The following AUTS2 variants were observed in gnomAD, a reference collection of about 807,000 sequenced individuals.
AUTS2 encodes the protein autism susceptibility gene 2 protein.
Under a neutral mutation model 112.4 loss-of-function variants are expected in AUTS2, and 17 were observed. The observed-to-expected ratio is 0.15, with a 90% CI of 0.10 to 0.23. The LOEUF (loss-of-function observed/expected upper bound fraction) is 0.23, where lower values mean the gene tolerates loss of function less well. AUTS2 is among the 10% of genes least tolerant of loss of function. The pLI is 1.00. For synonymous variants in AUTS2, 751 were observed against 702.7 expected, an observed-to-expected ratio of 1.07 and a Z score of -1.09; for missense variants, 1,510 against 1,701.6, an observed-to-expected ratio of 0.89 and a Z score of 1.98.
chr7:70,445,146 C>G (rs1047661000), intron 5 of AUTS2, among the ~76,000 whole-genome samples: 3 of 152,082 alleles, frequency 2.0e-5, no homozygotes, highest in Non-Finnish European at 2.9e-5. Context: ...TGACCATGTG[C>G]CAAACTCTCT....
chr7:70,754,747 A>G (rs1052674372), intron 6 of AUTS2, among the ~76,000 whole-genome samples: 2 of 152,244 alleles, frequency 1.3e-5, no homozygotes, highest in African/African-American at 4.8e-5. Flanking sequence ...TAATAAAAAT[A>G]GGACATGTCT....
chr7:69,799,530 A>G (rs533690284), intron 1 of AUTS2, among the ~76,000 whole-genome samples: 2 of 152,272 alleles, frequency 1.3e-5, no homozygotes, highest in South Asian at 2.1e-4. Context: ...GTTCATGAGC[A>G]TGGGACTTCT....
chr7:70,116,222 A>G (rs1310117385), intron 2 of AUTS2, among the ~76,000 whole-genome samples: 1 of 152,164 alleles, frequency 6.6e-6, no homozygotes, highest in African/African-American at 2.4e-5. Context: ...ATTAGCATCA[A>G]TTTTCTGGGC....
At chr7:70,095,416 ATCATGCT>A (rs1291683901) in intron 2 of AUTS2, among the ~76,000 whole-genome samples, 5 of 152,164 alleles carry the variant, frequency 3.3e-5, no homozygotes, top group African/African-American at 1.2e-4. Flanking sequence ...CACATTCAGA[ATCATGCT>A]TCTGACCCAT....
chr7:70,593,766 C>T (rs1414515878), intron 5 of AUTS2, among the ~76,000 whole-genome samples: 3 of 152,278 alleles, frequency 2.0e-5, no homozygotes, highest in South Asian at 2.1e-4. Context: ...TTGGTGGGAC[C>T]GGGCTGCAGG....
At chr7:69,714,586 C>T (rs575457217) in intron 1 of AUTS2, among the ~76,000 whole-genome samples, 3 of 152,180 alleles carry the variant, frequency 2.0e-5, no homozygotes, top group South Asian at 2.1e-4. Flanking sequence ...TTCCCAAATA[C>T]CCCACAGTTT....
intron 5 of AUTS2, among the ~76,000 whole-genome samples, chr7:70,534,671 CCA>C (rs757368479): frequency 6.6e-6 from 1 of 152,154 alleles, no homozygotes; most frequent in Non-Finnish European, 1.5e-5. Context: ...GGTGATCCGC[CCA>C]CCTCGGCCTC....
At chr7:69,867,280 G>A (rs1033208572) in intron 1 of AUTS2, among the ~76,000 whole-genome samples, 3 of 152,260 alleles carry the variant, frequency 2.0e-5, no homozygotes, top group East Asian at 3.9e-4. Flanking sequence ...TAATCTGGGC[G>A]GCCTGGCTGA....
At chr7:69,641,922 T>C (rs1389982927) in intron 1 of AUTS2, among the ~76,000 whole-genome samples, 1 of 152,226 alleles carries the variant, frequency 6.6e-6, no homozygotes, top group African/African-American at 2.4e-5. Context: ...AGTATTTGTA[T>C]CCATTTGCAA....
intron 1 of AUTS2, among the ~76,000 whole-genome samples, chr7:69,823,421 G>A (rs937572781): frequency 3.3e-5 from 5 of 152,182 alleles, no homozygotes; most frequent in Non-Finnish European, 5.9e-5. Flanking sequence ...GCCCTTGAAA[G>A]GAGCCTGCTT....
chr7:70,124,648 C>T (rs1479906307), intron 3 of AUTS2, among the ~76,000 whole-genome samples: 4 of 151,960 alleles, frequency 2.6e-5, no homozygotes, highest in African/African-American at 7.3e-5. Flanking sequence ...CTGCAACCTC[C>T]GACTCCCTGG....
intron 1 of AUTS2, among the ~76,000 whole-genome samples, chr7:69,811,763 T>C (rs1584280340): frequency 6.6e-6 from 1 of 152,106 alleles, no homozygotes; most frequent in East Asian, 1.9e-4. Flanking sequence ...CCCCAATGCA[T>C]GTTGTTTTGC....
chr7:70,187,829 C>A (rs1212617384), intron 4 of AUTS2, among the ~76,000 whole-genome samples: 1 of 133,906 alleles, frequency 7.5e-6, no homozygotes, highest in African/African-American at 2.8e-5. Flanking sequence ...TTTGGAATCA[C>A]ATCAGGAAAG....
intron 1 of AUTS2, among the ~76,000 whole-genome samples, chr7:69,806,361 T>G (rs7796857): frequency 0.35 from 53,074 of 151,390 alleles, 9,664 homozygotes; most frequent in African/African-American, 0.46. Flanking sequence ...AATAGCTTAT[T>G]TGTGTTGAGT....
At chr7:70,771,466 T>C in intron 10 of AUTS2, 83 bp from the exon 11 acceptor site, 1 of 1,181,592 alleles carries the variant, frequency 8.5e-7, no homozygotes, top group Non-Finnish European at 1.2e-6. Flanking sequence ...CTCATGTCGA[T>C]GTCTTTCTAT....
chr7:69,981,083 T>G (rs1004303779), intron 2 of AUTS2, among the ~76,000 whole-genome samples: 53 of 152,336 alleles, frequency 3.5e-4, no homozygotes, highest in African/African-American at 1.3e-3. Flanking sequence ...ATTTATTAAA[T>G]GTTTATCTTG....
chr7:70,022,435 C>T (rs1378824069), intron 2 of AUTS2, among the ~76,000 whole-genome samples: 3 of 151,942 alleles, frequency 2.0e-5, no homozygotes, highest in African/African-American at 7.2e-5. Flanking sequence ...ATTCTCCTGC[C>T]TTAGCCCCCA....
intron 6 of AUTS2, among the ~76,000 whole-genome samples, chr7:70,747,394 T>C (rs1375494299): frequency 6.6e-6 from 1 of 152,228 alleles, no homozygotes; most frequent in African/African-American, 2.4e-5. Context: ...CTTCCCACTG[T>C]CTCTTTCTAG....
At chr7:70,585,685 TTG>T (rs1802648938) in intron 5 of AUTS2, among the ~76,000 whole-genome samples, 2 of 152,138 alleles carry the variant, frequency 1.3e-5, no homozygotes, top group African/African-American at 4.8e-5. Context: ...GTATCCGAGT[TTG>T]AATTCTACGG....
Sources: allele counts gnomAD v4.1 joint callset (sites outside exome capture counted in the v4.1 genomes callset), GRCh38; gene constraint gnomAD v4.1.1; transcripts MANE v1.5; gene names NCBI Gene and HGNC (gene_info 2026-07-23, HGNC 2026-07-21).